Variants in PPP1R1C observed in about 807,000 individuals in gnomAD.
PPP1R1C encodes protein phosphatase 1 regulatory subunit 1C.
Under a neutral mutation model 17.4 loss-of-function variants are expected in PPP1R1C, and 15 were observed. The observed-to-expected ratio is 0.86, with a 90% CI of 0.58 to 1.33. The LOEUF (loss-of-function observed/expected upper bound fraction) is 1.33, where lower values mean the gene tolerates loss of function less well. PPP1R1C is among the 40% of genes most tolerant of loss of function. The pLI, the probability that PPP1R1C is intolerant of heterozygous loss-of-function variation, is 0.00. For missense variants in PPP1R1C, 143 were observed against 130.0 expected (o/e 1.10, Z -0.48); for synonymous variants, 35 against 43.1 (o/e 0.81, Z 0.73).
rs1398341871 is a variant in PPP1R1C, at chr2:181,976,989, T to C, written n.157+1725T>C. On this transcript the variant is annotated intron_variant and non_coding_transcript_variant, in intron 2 of 5. Transcript: ENST00000464264. The surrounding 1 kb of genome is among the most constrained non-coding windows in gnomAD (Gnocchi z 4.8). Reference sequence around the variant, plus strand: ...CCTGTCTCTACTAAAAATACAAAAATTAGCTTGGCATGGTGACACATGCCT... The same window carrying C: ...CCTGTCTCTACTAAAAATACAAAAACTAGCTTGGCATGGTGACACATGCCT... 6.6e-6 allele frequency among the ~76,000 whole-genome samples: 1 copy of C among 151,374 alleles called. No homozygotes were observed. The highest frequency in any genetic ancestry group is 1.5e-5 in the Non-Finnish European group (1 of 67,818).
chr2:182,069,813 A>G (rs1688091036), intron 4 of PPP1R1C, among the ~76,000 whole-genome samples: 1 of 152,244 alleles, frequency 6.6e-6, no homozygotes, highest in Non-Finnish European at 1.5e-5. Flanking sequence ...AGCAGGGAAA[A>G]AGATAAACTT....
intron 4 of PPP1R1C, among the ~76,000 whole-genome samples, chr2:182,109,242 A>T (rs1156857506): frequency 6.6e-6 from 1 of 152,150 alleles, no homozygotes; most frequent in East Asian, 1.9e-4. Context: ...TTTGGATAGT[A>T]GCCCTTTTAT....
intron 4 of PPP1R1C, among the ~76,000 whole-genome samples, chr2:182,094,818 G>T (rs1195478873): frequency 5.9e-5 from 9 of 152,142 alleles, no homozygotes; most frequent in Admixed American, 5.9e-4. Flanking sequence ...AGGCATAAAT[G>T]GATTAAGGTA....
rs564313855 is a variant in PPP1R1C at position 182,065,352 on chromosome 2, C to T, written c.241+1561C>T. Among the ~76,000 whole-genome samples the T allele has an allele frequency of 7.2e-5, 11 of 152,186 alleles. No homozygotes were observed. In the South Asian group the frequency reaches 2.3e-3, roughly 32 times the overall value. ...AAATGCAAATATTTTATTTGGTTTA[C>T]CTGTCCCTAAGAGCTAGAAATAAAT... On this transcript the variant is annotated intron_variant, in intron 4 of 4. Transcript: ENST00000682840.
chr2:181,980,193 AT>A (rs1245530711), intron 2 of PPP1R1C, among the ~76,000 whole-genome samples: 1 of 152,216 alleles, frequency 6.6e-6, no homozygotes, highest in Admixed American at 6.5e-5. Flanking sequence ...TTATGAAAGC[AT>A]TTTGGAAATG....
intron 2 of PPP1R1C, among the ~76,000 whole-genome samples, chr2:182,045,628 TAA>T (rs1218449792): frequency 6.6e-6 from 1 of 152,112 alleles, no homozygotes; most frequent in African/African-American, 2.4e-5. Flanking sequence ...GAGTTCTAGT[TAA>T]AGAGAATGTT....
downstream of PPP1R1C, among the ~76,000 whole-genome samples, chr2:182,120,224 C>G (rs544227662): frequency 6.6e-6 from 1 of 152,056 alleles, no homozygotes; most frequent in Non-Finnish European, 1.5e-5. Flanking sequence ...TGTAGATATG[C>G]GGCATTATTT....
chr2:182,055,744 T>C (rs1478065892), intron 2 of PPP1R1C, among the ~76,000 whole-genome samples: 3 of 152,210 alleles, frequency 2.0e-5, no homozygotes, highest in Non-Finnish European at 4.4e-5. Context: ...TGCTTTCTTC[T>C]TCATCTCTTT....
rs745964761 is a variant in PPP1R1C, at chr2:182,117,231, A to G, written c.266A>G (p.Asn89Ser). ...GGGGTTAAGCATCTGAAAGGCCAGA[A>G]TGAATCAGCATTCCCTGAAGAAGAA... ...IKGVKHLKGQ[N>S]ESAFPEEEEG... Residue 89 changes from asparagine (N) to serine (S), a missense_variant, in exon 5 of 5, where the codon AAT (asparagine) becomes AGT (serine). Coordinates refer to ENST00000682840, the MANE Select transcript of PPP1R1C (RefSeq NM_001080545.3). 11 of 1,559,820 alleles carry G rather than the reference A, an allele frequency of 7.1e-6. No individual in the cohort carries two copies.
chr2:182,018,432 G>A (rs1686322006), intron 2 of PPP1R1C, among the ~76,000 whole-genome samples: 1 of 152,206 alleles, frequency 6.6e-6, no homozygotes, highest in Non-Finnish European at 1.5e-5. Context: ...GAAGATTGAT[G>A]TTTTTAGAAT....
At chr2:182,090,952 A>C (rs1688763043) in intron 4 of PPP1R1C, among the ~76,000 whole-genome samples, 1 of 152,210 alleles carries the variant, frequency 6.6e-6, no homozygotes, top group Non-Finnish European at 1.5e-5. Context: ...GGAATTGTCC[A>C]CAAGTCCTAC....
intron 2 of PPP1R1C, among the ~76,000 whole-genome samples, chr2:182,001,584 T>C (rs894909269): frequency 6.6e-6 from 1 of 152,088 alleles, no homozygotes; most frequent in Non-Finnish European, 1.5e-5. Flanking sequence ...TGTGCCCAGA[T>C]AAATAGGGGC....
Position 182,035,691 on chromosome 2 carries a change from G to T in PPP1R1C, c.143-25751G>T, listed in dbSNP as rs1308653220. On this transcript the variant is annotated intron_variant, in intron 2 of 4. Coordinates refer to ENST00000682840, the MANE Select transcript of PPP1R1C (RefSeq NM_001080545.3). The stretch of plus-strand genomic sequence containing the variant: ...CTCTCTCTCATGCTGGCCAAGTGAA[G>T]ATGCACTTGCTACCCCTTTGCCTTC... 2.0e-5 allele frequency among the ~76,000 whole-genome samples: 3 copies of T among 152,122 alleles called. No individual in the cohort carries two copies. In the East Asian group the frequency reaches 5.8e-4, roughly 29 times the overall value.
At chr2:182,104,397 A>G (rs1689186617) in intron 4 of PPP1R1C, among the ~76,000 whole-genome samples, 1 of 152,196 alleles carries the variant, frequency 6.6e-6, no homozygotes, top group African/African-American at 2.4e-5. Context: ...TCATCCATTT[A>G]TTATGAAATG....
chr2:182,115,127 C>T (rs1010544988), intron 4 of PPP1R1C, among the ~76,000 whole-genome samples: 3 of 152,076 alleles, frequency 2.0e-5, no homozygotes, highest in African/African-American at 7.2e-5. Context: ...GCAAACCTGG[C>T]AAGATATAGT....
chr2:182,107,216 T>C (rs886116717), intron 4 of PPP1R1C, among the ~76,000 whole-genome samples: 2 of 151,786 alleles, frequency 1.3e-5, no homozygotes, highest in African/African-American at 2.4e-5. Context: ...AAATTTGTAA[T>C]CTTTCAATAT....
chr2:182,123,947 G>T (rs11899083), intron 5 of PPP1R1C, among the ~76,000 whole-genome samples: 1 of 152,002 alleles, frequency 6.6e-6, no homozygotes, highest in East Asian at 1.9e-4. Flanking sequence ...GTCGTGAATG[G>T]TATTGCCTAG....
chr2:182,039,208 G>A (rs1687107502), intron 2 of PPP1R1C, among the ~76,000 whole-genome samples: 1 of 152,198 alleles, frequency 6.6e-6, no homozygotes, highest in Non-Finnish European at 1.5e-5. Context: ...ATATGAACTT[G>A]TTACTGGCCT....
intron 1 of PPP1R1C, among the ~76,000 whole-genome samples, chr2:181,969,080 G>T (rs1032431597): frequency 2.0e-5 from 3 of 151,994 alleles, no homozygotes; most frequent in Non-Finnish European, 2.9e-5. Context: ...CTTTGTTGTA[G>T]TTATTATTTT....
Sources: allele counts gnomAD v4.1 joint callset (sites outside exome capture counted in the v4.1 genomes callset), GRCh38; gene constraint gnomAD v4.1.1; non-coding constraint Gnocchi (gnomAD v3.1); transcripts MANE v1.5; gene names NCBI Gene and HGNC (gene_info 2026-07-23, HGNC 2026-07-21).